Variants in DPP10 observed in about 807,000 individuals in gnomAD.
The protein encoded by DPP10 is inactive dipeptidyl peptidase 10.
In DPP10, 33 loss-of-function variants were observed where a neutral mutation model predicts 120.9. The ratio of observed to expected loss-of-function variants is 0.27; its 90% CI spans 0.21 to 0.37. The LOEUF (loss-of-function observed/expected upper bound fraction) is 0.37, where lower values mean the gene tolerates loss of function less well. Ranked by LOEUF, DPP10 falls within the 10% of genes least tolerant of loss-of-function variation. The pLI is 1.00. For missense variants in DPP10, 816 were observed against 942.8 expected (o/e 0.87, Z 1.76); for synonymous variants, 337 against 326.1 (o/e 1.03, Z -0.36).
chr2:115,474,166 T>G (rs2074919572), intron 3 of DPP10, among the ~76,000 whole-genome samples: 1 of 95,140 alleles, frequency 1.1e-5, no homozygotes. Context: ...ATTCACTGAA[T>G]GTTCATAATC....
chr2:115,182,393 AATTG>A (rs542080806), intron 1 of DPP10, among the ~76,000 whole-genome samples: 13 of 152,326 alleles, frequency 8.5e-5, no homozygotes, highest in African/African-American at 2.6e-4. Context: ...TGGAAGAAGT[AATTG>A]ATCTGGGATT....
At chr2:115,791,235 T>A in intron 18 of DPP10, 52 bp from the exon 19 acceptor site, 1 of 1,605,698 alleles carries the variant, frequency 6.2e-7, no homozygotes, top group African/African-American at 1.3e-5. Context: ...CGTCTTATAG[T>A]TTTACCTGCA....
At chr2:114,671,715 C>T (rs1208009612) in intron 1 of DPP10, among the ~76,000 whole-genome samples, 1 of 151,988 alleles carries the variant, frequency 6.6e-6, no homozygotes, top group Non-Finnish European at 1.5e-5. Context: ...AGGATTTTGC[C>T]AGTAAACATA....
intron 19 of DPP10, among the ~76,000 whole-genome samples, chr2:115,804,223 C>G (rs993635617): frequency 2.6e-4 from 40 of 152,284 alleles, no homozygotes; most frequent in Admixed American, 3.9e-4. Context: ...TTGATCGCAT[C>G]GGTTACTGAG....
chr2:114,648,643 A>G (rs1237650609), intron 1 of DPP10, among the ~76,000 whole-genome samples: 2 of 152,206 alleles, frequency 1.3e-5, no homozygotes, highest in Non-Finnish European at 2.9e-5. Context: ...CTTATGATGG[A>G]GGGATTCAGT....
chr2:115,707,359 T>A (rs1486445356), intron 7 of DPP10, among the ~76,000 whole-genome samples: 2 of 148,744 alleles, frequency 1.3e-5, no homozygotes, highest in African/African-American at 5.0e-5. Flanking sequence ...ATAAAAGAAT[T>A]GAATTCATAC....
At chr2:114,685,523 A>G (rs1699307106) in intron 1 of DPP10, among the ~76,000 whole-genome samples, 1 of 151,996 alleles carries the variant, frequency 6.6e-6, no homozygotes, top group Non-Finnish European at 1.5e-5. Flanking sequence ...GAACTCCAGA[A>G]TTAGCTATGT....
intron 5 of DPP10, among the ~76,000 whole-genome samples, chr2:115,620,446 T>C (rs2149278965): frequency 6.6e-6 from 1 of 152,344 alleles, no homozygotes; most frequent in African/African-American, 2.4e-5. Flanking sequence ...CATGGTCATC[T>C]GGGAGAACAG....
chr2:115,050,648 G>T (rs1705401996), intron 1 of DPP10, among the ~76,000 whole-genome samples: 1 of 152,166 alleles, frequency 6.6e-6, no homozygotes, highest in South Asian at 2.1e-4. Flanking sequence ...CACATATTCT[G>T]GGAATCCAGA....
intron 5 of DPP10, among the ~76,000 whole-genome samples, chr2:115,656,728 A>G (rs2149394217): frequency 6.6e-6 from 1 of 151,836 alleles, no homozygotes; most frequent in South Asian, 2.1e-4. Flanking sequence ...GAAAGTCACC[A>G]TTATATTTGG....
At chr2:114,506,428 C>T (rs1308851024) in intron 1 of DPP10, among the ~76,000 whole-genome samples, 2 of 152,104 alleles carry the variant, frequency 1.3e-5, no homozygotes, top group African/African-American at 4.8e-5. Context: ...GTTCCTGTGA[C>T]CTTATTCCTC....
intron 1 of DPP10, among the ~76,000 whole-genome samples, chr2:114,626,776 A>T (rs1694546384): frequency 6.6e-6 from 1 of 152,124 alleles, no homozygotes. Flanking sequence ...AAATTTTAAA[A>T]AATCAGCCAC....
rs879881302 is a variant in DPP10, at chr2:114,641,922, G to A, written c.60+199084G>A. On this transcript the variant is annotated intron_variant, in intron 1 of 25. Transcript: ENST00000410059. ...GTTGATGTGTATGCTTAGTTTTAGC[G>A]TGACAAAGCAGATACACTTTTTCAC... is the stretch of plus-strand genomic sequence containing the variant. Among the ~76,000 whole-genome samples, 16 of 151,890 alleles carry A rather than the reference G, an allele frequency of 1.1e-4. No individual in the cohort carries two copies. The East Asian group carries it at 2.3e-3, about 22-fold the overall frequency.
Position 115,732,844 on chromosome 2 carries a change from C to G in DPP10, c.697+4908C>G, listed in dbSNP as rs563833107. 3.3e-5 allele frequency among the ~76,000 whole-genome samples: 5 copies of G among 152,190 alleles called. No homozygotes were observed. The East Asian group carries it at 7.7e-4, about 24-fold the overall frequency. On this transcript the variant is annotated intron_variant, in intron 8 of 25. Transcript: ENST00000410059. Reference sequence around the variant, plus strand: ...AAAGTTTAATCCAACAGCTGTGGAGCAAATATACCTGCCAGGCATTATCTA... The same window carrying G: ...AAAGTTTAATCCAACAGCTGTGGAGGAAATATACCTGCCAGGCATTATCTA...
At chr2:115,838,602 T>C (rs1689771716) in intron 24 of DPP10, among the ~76,000 whole-genome samples, 1 of 152,220 alleles carries the variant, frequency 6.6e-6, no homozygotes, top group Admixed American at 6.5e-5. Flanking sequence ...CCCATCATGC[T>C]GGACTAATAT....
chr2:114,790,455 G>A (rs1441030268), intron 1 of DPP10, among the ~76,000 whole-genome samples: 1 of 152,076 alleles, frequency 6.6e-6, no homozygotes, highest in Non-Finnish European at 1.5e-5. Flanking sequence ...ACTGCACAAA[G>A]GACTTACTGA....
chr2:114,710,760 T>A (rs1295234938), intron 1 of DPP10, among the ~76,000 whole-genome samples: 2 of 151,978 alleles, frequency 1.3e-5, no homozygotes, highest in Non-Finnish European at 2.9e-5. Context: ...ATAAAAAAAA[T>A]TAAAAGCACA....
At chr2:114,969,869 A>G (rs965361298) in intron 1 of DPP10, among the ~76,000 whole-genome samples, 5 of 152,252 alleles carry the variant, frequency 3.3e-5, no homozygotes, top group Non-Finnish European at 1.5e-5. Flanking sequence ...TCCAGTCCCC[A>G]CTAACCCTCA....
At chr2:115,725,860 A>T (rs985748728) in intron 7 of DPP10, among the ~76,000 whole-genome samples, 15 of 152,184 alleles carry the variant, frequency 9.9e-5, no homozygotes, top group Admixed American at 5.2e-4. Context: ...GAAAAGCAAG[A>T]GGATGTAGTA....
Sources: gnomAD v4.1 joint callset for allele counts (sites outside exome capture counted in the v4.1 genomes callset) on GRCh38, gnomAD v4.1.1 for gene constraint, MANE v1.5 for transcripts, NCBI Gene and HGNC (gene_info 2026-07-23, HGNC 2026-07-21) for gene names.